SUGT1: variants seen among roughly 807,000 people sequenced by gnomAD.
SUGT1 encodes SGT1 assembly cochaperone of MIS12 kinetochore complex.
Under a neutral mutation model 56.1 loss-of-function variants are expected in SUGT1, and 15 were observed. The ratio of observed to expected loss-of-function variants is 0.27; its 90% confidence interval spans 0.18 to 0.41. The LOEUF (loss-of-function observed/expected upper bound fraction) is 0.41. Among genes scored for constraint, SUGT1 ranks in the 10% least tolerant of loss-of-function variants. The pLI, the probability that SUGT1 is intolerant of heterozygous loss-of-function variation, is 1.00. For synonymous variants in SUGT1, 123 were observed against 128.6 expected (o/e 0.96, Z 0.30); for missense variants, 347 against 382.2 (o/e 0.91, Z 0.77).
chr13:52,658,620 T>TA, intron 4 of SUGT1, 152 bp downstream of exon 4: 2 of 698,180 alleles, frequency 2.9e-6, no homozygotes, highest in African/African-American at 1.8e-5. Context: ...ATACAACTTA[T>TA]AGTTCTATTA....
intron 10 of SUGT1, among the ~76,000 whole-genome samples, chr13:52,673,563 C>G (rs574701965): frequency 6.6e-6 from 1 of 152,326 alleles, no homozygotes; most frequent in African/African-American, 2.4e-5. Context: ...ATAAAGTCCT[C>G]TTTGTTCATA....
rs1044451463 is a variant in SUGT1, at chr13:52,691,443, T to G, written c.*3608T>G. ...TTCCTCAGTTATCTACATATCAGATTAGATTATTGATATCTGAGATATATC... is the reference window on the plus strand; with the variant it reads ...TTCCTCAGTTATCTACATATCAGATGAGATTATTGATATCTGAGATATATC... On this transcript the variant is annotated 3_prime_UTR_variant, in exon 13 of 13. Transcript: ENST00000310528. 2 of 152,238 alleles carry G rather than the reference T, an allele frequency of 1.3e-5. No homozygotes were observed. The highest frequency in any genetic ancestry group is 2.9e-5 in the Non-Finnish European group (2 of 68,040). 9.4% of individuals were successfully genotyped at this position (152,238 alleles called of 1,614,324 possible). A position where few individuals can be genotyped will look rare whatever the true frequency, so the allele number is the denominator to read the frequency against.
chr13:52,667,020 G>GC, intron 10 of SUGT1, 101 bp downstream of exon 10: 1 of 773,900 alleles, frequency 1.3e-6, no homozygotes, highest in Non-Finnish European at 2.1e-6. Flanking sequence ...GATTCTTTCA[G>GC]CCCTTTAACA....
In SUGT1 at chr13:52,658,447, C is replaced by T; in HGVS notation, c.236C>T (p.Ser79Phe). 21 of 1,613,146 alleles carry T rather than the reference C, an allele frequency of 1.3e-5. No homozygotes were observed. The highest frequency in any genetic ancestry group is 1.8e-5 in the Non-Finnish European group (21 of 1,179,724). The change falls in exon 4 of 13, where the codon TCC becomes TTC. Residue 79 changes from serine (S) to phenylalanine (F), a missense_variant. Transcript: ENST00000310528. Reference sequence around the variant, plus strand: ...TCTCTAGAACTCAATCCAAATAATTCCACTGCTATGCTGAGAAAAGGGTAT... The same window carrying T: ...TCTCTAGAACTCAATCCAAATAATTTCACTGCTATGCTGAGAAAAGGGTAT... ...KKSLELNPNN[S>F]TAMLRKGICE...
chr13:52,663,885 C>A, intron 7 of SUGT1, 150 bp from the exon 8 acceptor site: 1 of 773,484 alleles, frequency 1.3e-6, no homozygotes, highest in Non-Finnish European at 2.1e-6. Flanking sequence ...GTTACTATGT[C>A]TTTGAAGAAA....
Position 52,652,913 on chromosome 13 carries a change from T to C in SUGT1, c.-8T>C. ...CAGCTCCGGCGGCAGCAACAGCGACTACGAGGGATGGCGGCGGCTGCAGCA... is the reference window on the plus strand; with the variant it reads ...CAGCTCCGGCGGCAGCAACAGCGACCACGAGGGATGGCGGCGGCTGCAGCA... On this transcript the variant is annotated 5_prime_UTR_variant, in exon 1 of 13. Transcript: ENST00000310528. 1 of 1,613,736 alleles carries C rather than the reference T, an allele frequency of 6.2e-7. No individual in the cohort carries two copies. Among genetic ancestry groups the C allele is most frequent in the Non-Finnish European group, 8.5e-7 (1 of 1,179,762 alleles).
intron 2 of SUGT1, among the ~76,000 whole-genome samples, chr13:52,655,546 A>G (rs576120284): frequency 1.2e-4 from 18 of 152,302 alleles, no homozygotes; most frequent in African/African-American, 3.1e-4. Flanking sequence ...GAATATTTGC[A>G]TGTAGGGCAG....
intron 2 of SUGT1, among the ~76,000 whole-genome samples, 176 bp downstream of exon 2, chr13:52,653,279 G>T (rs1358426879): frequency 1.3e-5 from 2 of 152,050 alleles, no homozygotes; most frequent in African/African-American, 4.8e-5. Context: ...CACGGTAGCC[G>T]CGTTACCCCA....
intron 2 of SUGT1, among the ~76,000 whole-genome samples, chr13:52,654,270 T>A (rs1033499446): frequency 2.6e-5 from 4 of 152,202 alleles, no homozygotes; most frequent in Admixed American, 6.5e-5. Flanking sequence ...CAGGAAGCAC[T>A]GAGAATTTTT....
intron 11 of SUGT1, among the ~76,000 whole-genome samples, chr13:52,677,219 TAAG>T (rs561048437): frequency 3.3e-5 from 5 of 152,158 alleles, no homozygotes; most frequent in Admixed American, 1.3e-4. Flanking sequence ...AGTTATTTCT[TAAG>T]AAATAATTTT....
chr13:52,666,807 A>T lies in SUGT1; in HGVS notation c.520-5A>T, dbSNP rs756055372. 2.8e-5 allele frequency: 45 copies of T among 1,605,106 alleles called. No individual in the cohort carries two copies. The Admixed American group carries it at 6.4e-4, about 23-fold the overall frequency. On this transcript the variant is annotated splice_polypyrimidine_tract_variant and splice_region_variant and intron_variant, in intron 9 of 12. Transcript: ENST00000310528. Reference sequence around the variant, plus strand: ...AAAATGTGATGCTAATTTTGTGTTCATTAGTTGTCTGCTTTGGTTAAACTT... The same window carrying T: ...AAAATGTGATGCTAATTTTGTGTTCTTTAGTTGTCTGCTTTGGTTAAACTT...
At chr13:52,664,000 C>A (rs1440547699) in intron 7 of SUGT1, 35 bp from the exon 8 acceptor site, 1 of 1,608,890 alleles carries the variant, frequency 6.2e-7, no homozygotes, top group Admixed American at 1.7e-5. Context: ...AAAAATCTTT[C>A]TCTTTCAACT....
intron 2 of SUGT1, among the ~76,000 whole-genome samples, chr13:52,654,980 G>A (rs1204221816): frequency 6.6e-6 from 1 of 152,218 alleles, no homozygotes; most frequent in Non-Finnish European, 1.5e-5. Flanking sequence ...GGATAGTCAT[G>A]TGGCTAGTAT....
intron 6 of SUGT1, 149 bp downstream of exon 6, chr13:52,662,851 T>G: frequency 1.1e-6 from 1 of 870,512 alleles, no homozygotes; most frequent in Non-Finnish European, 1.7e-6. Flanking sequence ...GATACACTGG[T>G]TTTTGCATAG....
chr13:52,679,861 A>G (rs1264522690), intron 11 of SUGT1, 113 bp from the exon 12 acceptor site: 9 of 1,023,038 alleles, frequency 8.8e-6, no homozygotes, highest in Non-Finnish European at 1.2e-5. Context: ...CCTGAAATTC[A>G]GTAACCTAAA....
chr13:52,665,567 A>G lies in SUGT1; in HGVS notation c.423-70A>G. 3.6e-6 allele frequency: 4 copies of G among 1,099,006 alleles called. No homozygotes were observed. In the South Asian group the frequency reaches 6.0e-5, roughly 17 times the overall value. The allele number at this position is 1,099,006 out of a possible 1,614,324, so 68.1% of individuals were successfully genotyped here. On this transcript the variant is annotated intron_variant, in intron 8 of 12. Transcript: ENST00000310528. ...TGGGGCTCTTGTTGTTTATCAGACT[A>G]GTTTTTGTTTTGACAATAGCTTTAA...
rs1033314821 is a variant in SUGT1, at chr13:52,700,039, G to T, written c.*12204G>T. On this transcript the variant is annotated 3_prime_UTR_variant, in exon 13 of 13. Coordinates refer to ENST00000310528, the MANE Select transcript of SUGT1 (RefSeq NM_006704.5). ...TGCAAAGGAGCAGGCACAAAGGTGAGAACAGGAATACGAAACACAACATCT... is the reference window on the plus strand; with the variant it reads ...TGCAAAGGAGCAGGCACAAAGGTGATAACAGGAATACGAAACACAACATCT... The T allele has an allele frequency of 3.9e-5, 6 of 152,130 alleles. No homozygotes were observed. The highest frequency in any genetic ancestry group is 1.4e-4 in the African/African-American group (6 of 41,438). 9.4% of individuals were successfully genotyped at this position (152,130 alleles called of 1,614,324 possible).
chr13:52,689,421 G>A lies in SUGT1; in HGVS notation c.*1586G>A, dbSNP rs1963709921. On this transcript the variant is annotated 3_prime_UTR_variant, in exon 13 of 13. Coordinates refer to ENST00000310528, the MANE Select transcript of SUGT1 (RefSeq NM_006704.5). ...ATTTTCTCAGTACCATTAATCCTAA[G>A]ATGAAGAGGAAGGCTATTGCTGCAG... 6.6e-6 allele frequency: 1 copy of A among 152,178 alleles called. No individual in the cohort carries two copies. The highest frequency in any genetic ancestry group is 2.1e-4 in the South Asian group (1 of 4,828). The allele number at this position is 152,178 out of a possible 1,614,324, so 9.4% of individuals were successfully genotyped here. A position where few individuals can be genotyped will look rare whatever the true frequency, so the allele number is the denominator to read the frequency against.
rs527393361 is a variant in SUGT1 at position 52,656,781 on chromosome 13, T to A, written c.97-751T>A. ...AAATAATTTTACCATTTAAGAAAAC[T>A]ACCAAATCCCTAGAGTTTGTAGGCA... On this transcript the variant is annotated intron_variant, in intron 2 of 12. Transcript: ENST00000310528. Among the ~76,000 whole-genome samples the A allele has an allele frequency of 3.3e-5, 5 of 152,348 alleles. No homozygotes were observed. The South Asian group carries it at 1.0e-3, about 32-fold the overall frequency.
Sources: gnomAD v4.1 joint callset for allele counts (sites outside exome capture counted in the v4.1 genomes callset) on GRCh38, gnomAD v4.1.1 for gene constraint, MANE v1.5 for transcripts, NCBI Gene and HGNC (gene_info 2026-07-23, HGNC 2026-07-21) for gene names.